Variants in ATP2A3 observed in about 807,000 individuals in gnomAD.
ATP2A3 encodes the protein ATPase sarcoplasmic/endoplasmic reticulum Ca2+ transporting 3, also known as sarcoplasmic/endoplasmic reticulum calcium ATPase 3.
Under a neutral mutation model 106.8 loss-of-function variants are expected in ATP2A3, and 61 were observed. The ratio of observed to expected loss-of-function variants is 0.57; its 90% CI spans 0.46 to 0.71. The LOEUF (loss-of-function observed/expected upper bound fraction) is 0.71. ATP2A3 is among the 30% of genes least tolerant of loss of function. ATP2A3 has a pLI of 0.00. For missense variants in ATP2A3, 1,201 were observed against 1,423.5 expected (o/e 0.84, Z 2.52); for synonymous variants, 611 against 609.3 (o/e 1.00, Z -0.04).
chr17:3,929,325 C>T lies in ATP2A3; in HGVS notation c.2862+3G>A, dbSNP rs779656108. On this transcript the variant is annotated splice_donor_region_variant and intron_variant, in intron 19 of 20. Coordinates refer to ENST00000397041, the MANE Select transcript of ATP2A3 (RefSeq NM_005173.4). The surrounding 1 kb of genome is among the most constrained non-coding windows in gnomAD (Gnocchi z 4.3). Reference sequence around the variant, plus strand: ...GGGCAGTGGGGCAGGCGGGGTGACTCACAGGCAGGGGCGGCACGAGCAGGA... The same window carrying T: ...GGGCAGTGGGGCAGGCGGGGTGACTTACAGGCAGGGGCGGCACGAGCAGGA... 39 of 1,550,592 alleles carry T rather than the reference C, an allele frequency of 2.5e-5. No homozygotes were observed. Among genetic ancestry groups the T allele is most frequent in the Non-Finnish European group, 3.4e-5 (39 of 1,147,214 alleles).
In ATP2A3 at chr17:3,925,398, G is replaced by C. The variant is rs1362778177; in HGVS notation, c.*24C>G. On this transcript the variant is annotated 3_prime_UTR_variant, in exon 21 of 21. Transcript: ENST00000397041. This position sits in a 1 kb window ranked among gnomAD's most constrained non-coding sequence, Gnocchi z 4.2. ...CACCATCAGTCTGAGGTACACACCG[G>C]AGACTCCACTCTGTTCCCAGCGCTC... The C allele has an allele frequency of 1.9e-6, 3 of 1,613,904 alleles. No homozygotes were observed. The highest frequency in any genetic ancestry group is 2.2e-5 in the South Asian group (2 of 91,072).
At chr17:3,951,847 C>T (rs1277211608) in intron 3 of ATP2A3, among the ~76,000 whole-genome samples, 162 bp from the exon 4 acceptor site, 1 of 152,188 alleles carries the variant, frequency 6.6e-6, no homozygotes, top group Non-Finnish European at 1.5e-5. Context: ...GGCCTTGGCA[C>T]AGGGTGCCCA....
rs773851179 is a variant in ATP2A3, at chr17:3,950,699, G to A, written c.538C>T (p.Leu180=). Residue 180 remains leucine (L), a synonymous_variant, in exon 6 of 21, where the codon CTG becomes TTG. Transcript: ENST00000397041. The stretch of plus-strand genomic sequence containing the variant: ...CTCCTGGGGGGGGCCTCACCCGTCA[G>A]GATGGACTGGTCCACTCGCAGCGTG... ...STTLRVDQSI[L]TGESVSVTKH... is the part of the protein sequence containing the mutation. 1 of 1,613,992 alleles carries A rather than the reference G, an allele frequency of 6.2e-7. No homozygotes were observed. The highest frequency in any genetic ancestry group is 8.5e-7 in the Non-Finnish European group (1 of 1,180,016).
intron 12 of ATP2A3, 124 bp downstream of exon 12, chr17:3,942,482 G>A: frequency 7.1e-7 from 1 of 1,398,912 alleles, no homozygotes; most frequent in South Asian, 1.4e-5. Context: ...AGGCAAAAGG[G>A]GCTCCTGAGA....
At chr17:3,957,327 G>A (rs975361878) in intron 1 of ATP2A3, among the ~76,000 whole-genome samples, 6 of 152,138 alleles carry the variant, frequency 3.9e-5, no homozygotes, top group South Asian at 2.1e-4. Flanking sequence ...TCTGGTTCTC[G>A]ACCCCCTGCT....
intron 14 of ATP2A3, among the ~76,000 whole-genome samples, chr17:3,940,027 A>G (rs922574167): frequency 7.6e-6 from 1 of 131,514 alleles, no homozygotes; most frequent in Non-Finnish European, 1.5e-5. Flanking sequence ...GTAATGTGTC[A>G]TATCTTTTTT....
At chr17:3,944,947 G>A (rs1216437242) in intron 9 of ATP2A3, 113 bp downstream of exon 9, 1 of 1,326,860 alleles carries the variant, frequency 7.5e-7, no homozygotes, top group Non-Finnish European at 1.0e-6. Context: ...CGCCCCGGGA[G>A]AGGCTCCGCC....
Position 3,929,412 on chromosome 17 carries a change from CG to C in ATP2A3, c.2777del (p.Pro926ArgfsTer4). The C allele has an allele frequency of 6.3e-7, 1 of 1,591,754 alleles. No individual in the cohort carries two copies. The highest frequency in any genetic ancestry group is 8.5e-7 in the Non-Finnish European group (1 of 1,170,148). ...CCAGCAGCCAGGGGTTCATCCAGGG[CG>C]GCATCCGCAGCAGCGACTGGTTCTC... is the stretch of plus-strand genomic sequence containing the variant. ...VSENQSLLRM[P>X]PWMNPWLLVA... On this transcript the variant is annotated frameshift_variant, in exon 19 of 21. Transcript: ENST00000397041. LOFTEE classifies it high-confidence loss of function. This position sits in a 1 kb window ranked among gnomAD's most constrained non-coding sequence, Gnocchi z 4.3.
At chr17:3,961,350 G>T (rs2055125406) in intron 1 of ATP2A3, among the ~76,000 whole-genome samples, 1 of 152,224 alleles carries the variant, frequency 6.6e-6, no homozygotes, top group Non-Finnish European at 1.5e-5. Context: ...GCAAAGGTGG[G>T]CTCACAGGAG....
In ATP2A3 at chr17:3,936,453, T is replaced by C; in HGVS notation, c.2338A>G (p.Ile780Val). The change falls in exon 16 of 21, where the codon ATT becomes GTT. Residue 780 changes from isoleucine (I) to valine (V), a missense_variant. Ile to Val is a conservative substitution (Grantham distance 29, BLOSUM62 3). Coordinates refer to ENST00000397041, the MANE Select transcript of ATP2A3 (RefSeq NM_005173.4). The surrounding 1 kb of genome is among the most constrained non-coding windows in gnomAD (Gnocchi z 5.4). ...GEVVCIFLTA[I>V]LGLPEALIPV... ...ATCAGGGCTTCGGGCAGGCCCAGAA[T>C]TGCCGTGAGGAAGATGCTGGAACAG... 1 of 1,614,000 alleles carries C rather than the reference T, an allele frequency of 6.2e-7. No homozygotes were observed. The highest frequency in any genetic ancestry group is 8.5e-7 in the Non-Finnish European group (1 of 1,180,004).
Position 3,939,786 on chromosome 17 carries a change from T to TAAA in ATP2A3, c.2100+1182_2100+1184dup, listed in dbSNP as rs71381543. ...CTGGGTGACAGAGCGAGACTCTGTC[T>TAAA]AAAAAAAAAAAAAAAAAAAAAAAAA... is the stretch of plus-strand genomic sequence containing the variant. On this transcript the variant is annotated intron_variant, in intron 14 of 20. Coordinates refer to ENST00000397041, the MANE Select transcript of ATP2A3 (RefSeq NM_005173.4). Among the ~76,000 whole-genome samples, 137 of 50,512 alleles carry TAAA rather than the reference T, an allele frequency of 2.7e-3. 5 individuals are homozygous for TAAA. The highest frequency in any genetic ancestry group is 8.0e-3 in the African/African-American group (129 of 16,112). 33.1% of individuals were successfully genotyped at this position (50,512 alleles called of 152,430 possible). A position where few individuals can be genotyped will look rare whatever the true frequency, so the allele number is the denominator to read the frequency against.
chr17:3,953,213 G>T lies in ATP2A3; in HGVS notation c.219+134C>A, dbSNP rs2054555732. 3 of 1,018,092 alleles carry T rather than the reference G, an allele frequency of 2.9e-6. No individual in the cohort carries two copies. The highest frequency in any genetic ancestry group is 3.2e-5 in the African/African-American group (2 of 63,320). 63.1% of individuals were successfully genotyped at this position (1,018,092 alleles called of 1,614,324 possible). On this transcript the variant is annotated intron_variant, in intron 3 of 20. Transcript: ENST00000397041. The surrounding 1 kb of genome is among the most constrained non-coding windows in gnomAD (Gnocchi z 5.1). ...GAAGCTGAAGTCTGAGCAGGGCAGG[G>T]CCAGGGAAGGCCAGGGCGCAGGCCC...
intron 1 of ATP2A3, among the ~76,000 whole-genome samples, chr17:3,959,315 C>G (rs1358411123): frequency 6.6e-6 from 1 of 152,222 alleles, no homozygotes; most frequent in African/African-American, 2.4e-5. Flanking sequence ...TACCTCATCG[C>G]TGTGCCCTTC....
Position 3,938,303 on chromosome 17 carries a change from G to A in ATP2A3, c.2101-667C>T, listed in dbSNP as rs565803375. On this transcript the variant is annotated intron_variant, in intron 14 of 20. Coordinates refer to ENST00000397041, the MANE Select transcript of ATP2A3 (RefSeq NM_005173.4). ...ACAAAAATTAGCTGGGCGCAGTGGC[G>A]CGTGCCTATGATCTCAGCTACATGG... 2.2e-4 allele frequency among the ~76,000 whole-genome samples: 34 copies of A among 152,178 alleles called. 1 individual carries two copies. The highest frequency in any genetic ancestry group is 1.8e-3 in the Admixed American group (28 of 15,300).
At chr17:3,951,558 G>GGCCCCCCCCCCGCC in intron 4 of ATP2A3, 23 bp downstream of exon 4, 2 of 716,234 alleles carry the variant, frequency 2.8e-6, no homozygotes, top group Non-Finnish European at 4.3e-6. Flanking sequence ...CCCCCGCCCG[G>GGCCCCCCCCCCGCC]TCCCACCCCC....
rs116682156 is a variant in ATP2A3 at position 3,955,672 on chromosome 17, G to A, written c.119-1962C>T. Among the ~76,000 whole-genome samples the A allele has an allele frequency of 0.011, 1,697 of 152,176 alleles. 38 individuals are homozygous for A. The highest frequency in any genetic ancestry group is 0.038 in the African/African-American group (1,598 of 41,526). ...CAGGACAGCACTAACCTCATGGTGCGCATGGGTGGGCTTGTGCTGGGCTCT... is the reference window on the plus strand; with the variant it reads ...CAGGACAGCACTAACCTCATGGTGCACATGGGTGGGCTTGTGCTGGGCTCT... On this transcript the variant is annotated intron_variant, in intron 1 of 20. Transcript: ENST00000397041. This position sits in a 1 kb window ranked among gnomAD's most constrained non-coding sequence, Gnocchi z 4.2.
chr17:3,953,469 C>T lies in ATP2A3; in HGVS notation c.137-40G>A. On this transcript the variant is annotated intron_variant, in intron 2 of 20. Transcript: ENST00000397041. This position sits in a 1 kb window ranked among gnomAD's most constrained non-coding sequence, Gnocchi z 5.1. Reference sequence around the variant, plus strand: ...CATGTGTGAGGCTGGGCCCCCACCACTGACCCTGCCCACTCAGAGCTGGGA... The same window carrying T: ...CATGTGTGAGGCTGGGCCCCCACCATTGACCCTGCCCACTCAGAGCTGGGA... 6.2e-7 allele frequency: 1 copy of T among 1,601,216 alleles called. No individual in the cohort carries two copies. Among genetic ancestry groups the T allele is most frequent in the Non-Finnish European group, 8.6e-7 (1 of 1,168,648 alleles).
chr17:3,960,770 C>T (rs1021897380), intron 1 of ATP2A3, among the ~76,000 whole-genome samples: 8 of 152,190 alleles, frequency 5.3e-5, no homozygotes, highest in Admixed American at 3.9e-4. Context: ...GCCGTTCAGT[C>T]GGCACAACTG....
chr17:3,941,476 T>G lies in ATP2A3; in HGVS notation c.1724A>C (p.Asp575Ala). Residue 575 changes from aspartate to alanine, a missense_variant, in exon 13 of 21, where the codon GAC becomes GCC. By Grantham distance (126) the Asp-to-Ala change is moderately radical (BLOSUM62 -2). Coordinates refer to ENST00000397041, the MANE Select transcript of ATP2A3 (RefSeq NM_005173.4). ...ATRDAPPRKE[D>A]MELDDCSKFV... is the part of the protein sequence containing the mutation. ...CTTGCTGCAGTCGTCCAGCTCCATG[T>G]CCTCCTTCCTTGGGGGCGCGTCCCG... 6.2e-7 allele frequency: 1 copy of G among 1,613,828 alleles called. No individual in the cohort carries two copies. The highest frequency in any genetic ancestry group is 8.5e-7 in the Non-Finnish European group (1 of 1,179,846).
Sources: allele counts gnomAD v4.1 joint callset (sites outside exome capture counted in the v4.1 genomes callset), GRCh38; gene constraint gnomAD v4.1.1; non-coding constraint Gnocchi (gnomAD v3.1); transcripts MANE v1.5; gene names NCBI Gene and HGNC (gene_info 2026-07-23, HGNC 2026-07-21).